SYNPR: variants seen among roughly 807,000 people sequenced by gnomAD.
SYNPR encodes synaptoporin.
SYNPR carries 23 observed loss-of-function variants against 32.9 expected under a neutral mutation model. The observed-to-expected ratio is 0.70, with a 90% confidence interval of 0.50 to 0.99. SYNPR has a LOEUF of 0.99. SYNPR is among the 50% of genes least tolerant of loss of function. SYNPR has a pLI of 0.00. For missense variants in SYNPR, 318 were observed against 349.3 expected, an observed-to-expected ratio of 0.91 and a Z score of 0.71; for synonymous variants, 146 against 135.9, an observed-to-expected ratio of 1.07 and a Z score of -0.52.
intron 2 of SYNPR, among the ~76,000 whole-genome samples, chr3:63,448,138 G>A (rs569838040): frequency 2.0e-5 from 3 of 152,256 alleles, no homozygotes; most frequent in South Asian, 4.2e-4. Context: ...TGAGTAGCTA[G>A]GACTACAGGC....
At chr3:63,500,873 A>G (rs559513011) in intron 3 of SYNPR, among the ~76,000 whole-genome samples, 25 of 152,322 alleles carry the variant, frequency 1.6e-4, no homozygotes, top group Non-Finnish European at 2.5e-4. Context: ...ATTATAGTAC[A>G]TAGTGTGGTA....
chr3:63,386,578 G>A (rs1164864388), intron 2 of SYNPR, among the ~76,000 whole-genome samples: 1 of 142,410 alleles, frequency 7.0e-6, no homozygotes, highest in African/African-American at 3.0e-5. Context: ...TTCCATGAGA[G>A]TAAGAGCAGA....
rs1348346139 is a variant in SYNPR, at chr3:63,586,693, T to C, written c.409-22432T>C. ...GTGTGTGTGTGTGTGTAAGTATATA[T>C]ATATATAAGTATAATATATATATAC... On this transcript the variant is annotated intron_variant, in intron 4 of 5. Transcript: ENST00000478300. Among the ~76,000 whole-genome samples, 3 of 144,728 alleles carry C rather than the reference T, an allele frequency of 2.1e-5. 1 individual carries two copies. Among genetic ancestry groups the C allele is most frequent in the Admixed American group, 1.4e-4 (2 of 14,384 alleles). 94.9% of individuals were successfully genotyped at this position (144,728 alleles called of 152,430 possible).
chr3:63,240,313 C>T (rs1198706339), intron 1 of SYNPR, among the ~76,000 whole-genome samples: 1 of 152,072 alleles, frequency 6.6e-6, no homozygotes, highest in Admixed American at 6.5e-5. Context: ...GCATCAGAAG[C>T]ACCCATCCCA....
intron 3 of SYNPR, among the ~76,000 whole-genome samples, chr3:63,543,005 T>C (rs1478692542): frequency 1.3e-5 from 2 of 152,140 alleles, no homozygotes; most frequent in African/African-American, 4.8e-5. Context: ...AAAGAGCTTT[T>C]TATTTTTGTA....
At chr3:63,307,802 G>T (rs190855310) in intron 2 of SYNPR, among the ~76,000 whole-genome samples, 1 of 152,104 alleles carries the variant, frequency 6.6e-6, no homozygotes, top group East Asian at 1.9e-4. Flanking sequence ...GTGTTGAAAA[G>T]ATTCCTAGGG....
chr3:63,571,448 T>C (rs1038641101), intron 4 of SYNPR, among the ~76,000 whole-genome samples: 4 of 152,164 alleles, frequency 2.6e-5, no homozygotes, highest in Non-Finnish European at 5.9e-5. Context: ...CACTGGTTAC[T>C]AACGCTTATC....
At chr3:63,553,400 T>C (rs34725317) in intron 3 of SYNPR, among the ~76,000 whole-genome samples, 12,960 of 152,300 alleles carry the variant, frequency 0.085, 683 homozygotes, top group Non-Finnish European at 0.12. Context: ...GCCATGAACA[T>C]GCAAGTGCAT....
intron 2 of SYNPR, among the ~76,000 whole-genome samples, chr3:63,307,732 A>G (rs1351345806): frequency 6.6e-6 from 1 of 151,976 alleles, no homozygotes; most frequent in Non-Finnish European, 1.5e-5. Flanking sequence ...GTAAATTTTG[A>G]TTTTCATATA....
chr3:63,464,948 A>G (rs958156900), intron 2 of SYNPR, among the ~76,000 whole-genome samples: 9 of 152,218 alleles, frequency 5.9e-5, no homozygotes, highest in Non-Finnish European at 1.2e-4. Flanking sequence ...TCTCTTCTGC[A>G]GTGCTGGAGT....
intron 4 of SYNPR, among the ~76,000 whole-genome samples, chr3:63,584,227 G>A (rs1337515969): frequency 2.0e-5 from 3 of 152,108 alleles, no homozygotes. Context: ...GATAATGGAA[G>A]AGCCTTGTGT....
chr3:63,509,673 T>A (rs1701658138), intron 3 of SYNPR, among the ~76,000 whole-genome samples: 2 of 152,038 alleles, frequency 1.3e-5, no homozygotes, highest in Non-Finnish European at 2.9e-5. Flanking sequence ...TAATAAAAAC[T>A]AATACTAATT....
At chr3:63,317,086 ATC>A (rs78729612) in intron 2 of SYNPR, among the ~76,000 whole-genome samples, 43,022 of 151,614 alleles carry the variant, frequency 0.28, 7,360 homozygotes, top group Non-Finnish European at 0.39. Flanking sequence ...TTCCACTGTG[ATC>A]TGACAGCGTG....
intron 3 of SYNPR, among the ~76,000 whole-genome samples, chr3:63,548,912 G>A (rs1019131796): frequency 2.0e-5 from 3 of 152,062 alleles, no homozygotes; most frequent in Non-Finnish European, 4.4e-5. Context: ...CTTCCACACC[G>A]GGTAAAAGGT....
At chr3:63,361,756 ATTAAC>A in intron 2 of SYNPR, among the ~76,000 whole-genome samples, 1 of 152,246 alleles carries the variant, frequency 6.6e-6, no homozygotes, top group Non-Finnish European at 1.5e-5. Flanking sequence ...TAGGGTGCTA[ATTAAC>A]TTAAGACTTC....
At chr3:63,542,511 G>A (rs1486927767) in intron 3 of SYNPR, among the ~76,000 whole-genome samples, 1 of 152,052 alleles carries the variant, frequency 6.6e-6, no homozygotes, top group Non-Finnish European at 1.5e-5. Context: ...ACTCCAGTGG[G>A]CTGTCTAAGT....
chr3:63,565,655 T>A (rs1702770456), intron 4 of SYNPR, among the ~76,000 whole-genome samples: 1 of 152,188 alleles, frequency 6.6e-6, no homozygotes, highest in African/African-American at 2.4e-5. Flanking sequence ...ATTCTGCCCA[T>A]GACCCCCAAT....
At chr3:63,203,938 G>T in the SYNPR span, among the ~76,000 whole-genome samples, 8 of 152,292 alleles carry the variant, frequency 5.3e-5, no homozygotes, top group Non-Finnish European at 8.8e-5. Flanking sequence ...GGCAGAGGTT[G>T]CAGTAAGCCA....
Position 63,514,821 on chromosome 3 carries a change from C to A in SYNPR, c.209+33865C>A, listed in dbSNP as rs1701765334. On this transcript the variant is annotated intron_variant, in intron 3 of 5. Transcript: ENST00000478300. ...TGCCTGAGACTTGCTCTTTTGATAG[C>A]CTTTGAGGTACTTGTTTTCTCGGCG... Among the ~76,000 whole-genome samples, 4 of 152,076 alleles carry A rather than the reference C, an allele frequency of 2.6e-5. No individual in the cohort carries two copies. The South Asian group carries it at 8.3e-4, about 32-fold the overall frequency.
Sources: gnomAD v4.1 joint callset for allele counts (sites outside exome capture counted in the v4.1 genomes callset) on GRCh38, gnomAD v4.1.1 for gene constraint, MANE v1.5 for transcripts, NCBI Gene and HGNC (gene_info 2026-07-23, HGNC 2026-07-21) for gene names.